CCDC191: variants seen among roughly 807,000 people sequenced by gnomAD.
CCDC191 encodes coiled-coil domain-containing protein 191.
CCDC191 carries 99 observed loss-of-function variants against 114.0 expected under a neutral mutation model. That is an observed-to-expected ratio of 0.87 (90% CI 0.74 to 1.03). The LOEUF is 1.03. CCDC191 is among the 50% of genes least tolerant of loss of function. CCDC191 has a pLI of 0.00. For synonymous variants in CCDC191, 351 were observed against 376.0 expected, an observed-to-expected ratio of 0.93 and a Z score of 0.77; for missense variants, 973 against 1,087.0, an observed-to-expected ratio of 0.90 and a Z score of 1.47.
intron 13 of CCDC191, among the ~76,000 whole-genome samples, chr3:113,991,177 A>G (rs1449101813): frequency 1.3e-5 from 2 of 149,862 alleles, no homozygotes; most frequent in African/African-American, 4.9e-5. Flanking sequence ...TGGAGGTTAC[A>G]GTGAGCTGAG....
At chr3:113,994,435 A>G (rs2075660778) in intron 13 of CCDC191, among the ~76,000 whole-genome samples, 1 of 152,190 alleles carries the variant, frequency 6.6e-6, no homozygotes, top group South Asian at 2.1e-4. Flanking sequence ...TTCATTTATC[A>G]CTGGTAGGAA....
chr3:114,013,655 A>G (rs1045239836), intron 8 of CCDC191, among the ~76,000 whole-genome samples: 6 of 152,226 alleles, frequency 3.9e-5, no homozygotes, highest in African/African-American at 1.2e-4. Flanking sequence ...TAGCCAGAGT[A>G]TATAAATTGA....
chr3:113,998,871 C>T (rs753120244), intron 13 of CCDC191, among the ~76,000 whole-genome samples: 16 of 152,166 alleles, frequency 1.1e-4, no homozygotes, highest in Non-Finnish European at 1.6e-4. Context: ...TTCCACACAC[C>T]GTTGCTTCTG....
intron 8 of CCDC191, among the ~76,000 whole-genome samples, chr3:114,015,453 T>G (rs1265175308): frequency 6.6e-6 from 1 of 152,218 alleles, no homozygotes; most frequent in African/African-American, 2.4e-5. Flanking sequence ...TGGTATTCAC[T>G]TACATGAGTA....
intron 3 of CCDC191, among the ~76,000 whole-genome samples, chr3:114,044,001 G>A (rs1017135107): frequency 1.3e-5 from 2 of 151,972 alleles, no homozygotes; most frequent in South Asian, 2.1e-4. Context: ...TTAGGAGTTC[G>A]GTCCCAGACA....
In CCDC191 at chr3:114,005,619, A is replaced by G; in HGVS notation, c.1757T>C (p.Leu586Pro). The G allele has an allele frequency of 1.9e-6, 3 of 1,614,134 alleles. No homozygotes were observed. The highest frequency in any genetic ancestry group is 2.5e-6 in the Non-Finnish European group (3 of 1,180,004). The change falls in exon 10 of 17, where the codon CTG (leucine) becomes CCG (proline). Residue 586 changes from leucine to proline, a missense_variant. By Grantham distance (98) the Leu-to-Pro change is moderately conservative (BLOSUM62 -3). Transcript: ENST00000295878. Reference sequence around the variant, plus strand: ...CTCTGCTGCCCACTGAGCCTCTGCCAGCTGCAGGTTTTTCTTCAGCTCGAG... The same window carrying G: ...CTCTGCTGCCCACTGAGCCTCTGCCGGCTGCAGGTTTTTCTTCAGCTCGAG... ...TILELKKNLQ[L>P]AEAQWAAEHA...
intron 7 of CCDC191, among the ~76,000 whole-genome samples, chr3:114,020,088 C>T (rs1241756552): frequency 6.6e-6 from 1 of 152,014 alleles, no homozygotes. Context: ...GGGGGATTTG[C>T]CAGTTTCAAG....
Position 114,005,949 on chromosome 3 carries a change from G to T in CCDC191, c.1427C>A (p.Pro476His), listed in dbSNP as rs1026472352. 6.2e-7 allele frequency: 1 copy of T among 1,613,862 alleles called. No homozygotes were observed. Residue 476 changes from proline to histidine, a missense_variant, in exon 10 of 17, where the codon CCC becomes CAC. Coordinates refer to ENST00000295878, the MANE Select transcript of CCDC191 (RefSeq NM_020817.2). ...CAAGGGAGGCTTTTCCCACAAAGGG[G>T]GCACAGCAGTCTCCTGAGAGAGAGA... ...PVKNGQETAV[P>H]PLWEKPPLGS...
At chr3:114,015,229 A>C (rs2076139769) in intron 8 of CCDC191, among the ~76,000 whole-genome samples, 1 of 152,126 alleles carries the variant, frequency 6.6e-6, no homozygotes, top group Non-Finnish European at 1.5e-5. Context: ...GGCTTGAGGG[A>C]CAAAGGGAAG....
intron 13 of CCDC191, among the ~76,000 whole-genome samples, chr3:113,998,191 A>T (rs991532661): frequency 2.0e-5 from 3 of 151,424 alleles, no homozygotes; most frequent in Non-Finnish European, 4.4e-5. Flanking sequence ...CTGTAATCCC[A>T]GCTACTCGGG....
At chr3:113,978,368 A>G (rs1392102318) in intron 15 of CCDC191, 37 bp from the exon 16 acceptor site, 1 of 1,604,438 alleles carries the variant, frequency 6.2e-7, no homozygotes, top group South Asian at 1.1e-5. Context: ...GAGACAAAAA[A>G]TATCAGTTGA....
At chr3:113,973,079 TGG>T (rs914408504) in intron 16 of CCDC191, among the ~76,000 whole-genome samples, 4 of 152,174 alleles carry the variant, frequency 2.6e-5, no homozygotes, top group African/African-American at 9.6e-5. Flanking sequence ...GGACTTACTA[TGG>T]CAATTTTTTC....
chr3:113,999,192 A>G (rs985471904), intron 13 of CCDC191, among the ~76,000 whole-genome samples: 1 of 152,186 alleles, frequency 6.6e-6, no homozygotes, highest in Admixed American at 6.5e-5. Context: ...CCCTAGTAAT[A>G]CCACTAGCAA....
chr3:114,007,684 G>A (rs1305938364), intron 9 of CCDC191, among the ~76,000 whole-genome samples: 2 of 152,130 alleles, frequency 1.3e-5, no homozygotes, highest in African/African-American at 2.4e-5. Flanking sequence ...GGTACAGATA[G>A]TACTTAATAG....
Position 114,010,980 on chromosome 3 carries a change from A to G in CCDC191, c.1205T>C (p.Leu402Pro). The G allele has an allele frequency of 6.2e-7, 1 of 1,613,976 alleles. No homozygotes were observed. Among genetic ancestry groups the G allele is most frequent in the Admixed American group, 1.7e-5 (1 of 60,020 alleles). ...CTGCCATTCTGTAAAGCAGTGTCGG[A>G]GAACTTGTTTCCGGTTATACTCAGT... ...LATEYNRKQV[L>P]RHCFTEWQHW... Residue 402 changes from leucine to proline, a missense_variant, in exon 9 of 17, where the codon CTC (leucine) becomes CCC (proline). By Grantham distance (98) the Leu-to-Pro change is moderately conservative. Coordinates refer to ENST00000295878, the MANE Select transcript of CCDC191 (RefSeq NM_020817.2).
At chr3:114,048,158 A>C (rs1347984524) in intron 2 of CCDC191, among the ~76,000 whole-genome samples, 3 of 152,004 alleles carry the variant, frequency 2.0e-5, no homozygotes, top group African/African-American at 7.3e-5. Flanking sequence ...CCCACATATA[A>C]TTGATCAGGA....
intron 13 of CCDC191, among the ~76,000 whole-genome samples, chr3:113,988,560 A>G (rs1413061816): frequency 7.4e-6 from 1 of 135,032 alleles, no homozygotes; most frequent in Non-Finnish European, 1.6e-5. Context: ...CAGGAGGCAG[A>G]GGTTGTGGTG....
chr3:113,967,837 A>G (rs548705995), intron 16 of CCDC191, among the ~76,000 whole-genome samples: 54 of 152,268 alleles, frequency 3.5e-4, no homozygotes, highest in African/African-American at 1.1e-3. Flanking sequence ...TGTATTCTCT[A>G]TCTTCATGAG....
chr3:114,031,188 C>T (rs2076399240), intron 7 of CCDC191, among the ~76,000 whole-genome samples: 1 of 152,192 alleles, frequency 6.6e-6, no homozygotes, highest in Admixed American at 6.5e-5. Flanking sequence ...TGTATCATTG[C>T]TTTAGGATCA....
Sources: allele counts gnomAD v4.1 joint callset (sites outside exome capture counted in the v4.1 genomes callset), GRCh38; gene constraint gnomAD v4.1.1; transcripts MANE v1.5; gene names NCBI Gene and HGNC (gene_info 2026-07-23, HGNC 2026-07-21).